EDIL3: variants seen among roughly 807,000 people sequenced by gnomAD.
EDIL3 encodes EGF like and discoidin domains 3.
Under a neutral mutation model 67.4 loss-of-function variants are expected in EDIL3, and 37 were observed. The ratio of observed to expected loss-of-function variants is 0.55; its 90% CI spans 0.42 to 0.72. The LOEUF (loss-of-function observed/expected upper bound fraction) is 0.72. Ranked by LOEUF, EDIL3 falls within the 30% of genes least tolerant of loss-of-function variation. EDIL3 has a pLI of 0.00. For missense variants in EDIL3, 527 were observed against 586.3 expected (o/e 0.90, Z 1.04); for synonymous variants, 195 against 196.3 (o/e 0.99, Z 0.05).
At chr5:84,169,114 GCTAAGCT>G (rs1478643659) in intron 4 of EDIL3, among the ~76,000 whole-genome samples, 1 of 151,734 alleles carries the variant, frequency 6.6e-6, no homozygotes, top group Admixed American at 6.6e-5. Context: ...AGCTTCTTTG[GCTAAGCT>G]CTAAAACAGC....
At chr5:83,970,745 C>T (rs2112137704) in intron 9 of EDIL3, among the ~76,000 whole-genome samples, 1 of 144,490 alleles carries the variant, frequency 6.9e-6, no homozygotes, top group East Asian at 2.0e-4. Flanking sequence ...TTGTTCTATC[C>T]CCCTACCTGA....
intron 1 of EDIL3, among the ~76,000 whole-genome samples, chr5:84,361,912 A>C (rs919162339): frequency 3.9e-5 from 6 of 152,050 alleles, no homozygotes; most frequent in Admixed American, 2.0e-4. Flanking sequence ...TAAACATAAT[A>C]GTCTAATAAC....
chr5:84,106,626 C>T, intron 6 of EDIL3, 23 bp downstream of exon 6: 3 of 1,578,470 alleles, frequency 1.9e-6, no homozygotes, highest in South Asian at 1.2e-5. Context: ...ATAACATTAA[C>T]CTTGTCCCAT....
intron 9 of EDIL3, among the ~76,000 whole-genome samples, chr5:84,059,430 A>G (rs1170806627): frequency 6.6e-6 from 1 of 152,106 alleles, no homozygotes; most frequent in Non-Finnish European, 1.5e-5. Context: ...AGCAGAGAGG[A>G]GAGAAGAGAA....
At chr5:84,194,054 A>C (rs567047028) in intron 3 of EDIL3, among the ~76,000 whole-genome samples, 1 of 152,116 alleles carries the variant, frequency 6.6e-6, no homozygotes, top group African/African-American at 2.4e-5. Context: ...AAGTTGGAGA[A>C]ACTGCCAATA....
chr5:83,989,520 T>C (rs745965539), intron 9 of EDIL3, among the ~76,000 whole-genome samples: 14 of 152,206 alleles, frequency 9.2e-5, no homozygotes, highest in Non-Finnish European at 2.1e-4. Flanking sequence ...TCCCTGATGG[T>C]TCCTTTGGGT....
At chr5:84,262,095 T>G (rs1280246983) in intron 1 of EDIL3, among the ~76,000 whole-genome samples, 1 of 152,190 alleles carries the variant, frequency 6.6e-6, no homozygotes, top group Non-Finnish European at 1.5e-5. Flanking sequence ...GAAAGTCCCT[T>G]AAAAGAACCT....
chr5:84,183,350 G>A (rs926403635), intron 3 of EDIL3, among the ~76,000 whole-genome samples: 5 of 152,098 alleles, frequency 3.3e-5, no homozygotes, highest in African/African-American at 1.2e-4. Context: ...TGAAATGATA[G>A]TGATGTTAGA....
intron 1 of EDIL3, among the ~76,000 whole-genome samples, chr5:84,370,272 T>C (rs960511464): frequency 5.3e-5 from 8 of 152,200 alleles, no homozygotes; most frequent in East Asian, 1.9e-4. Flanking sequence ...AGATTGTCAT[T>C]ACACAAACAA....
intron 5 of EDIL3, among the ~76,000 whole-genome samples, chr5:84,131,728 T>C (rs1255765316): frequency 6.6e-6 from 1 of 152,124 alleles, no homozygotes; most frequent in Non-Finnish European, 1.5e-5. Context: ...AAAATCAACA[T>C]ACATGAACTG....
intron 1 of EDIL3, among the ~76,000 whole-genome samples, chr5:84,346,842 T>A (rs73144553): frequency 2.8e-3 from 429 of 152,308 alleles, no homozygotes; most frequent in African/African-American, 0.01. Flanking sequence ...ACAGCCTATA[T>A]GAGAATGTCC....
At chr5:84,185,647 T>G (rs546172577) in intron 3 of EDIL3, among the ~76,000 whole-genome samples, 1 of 152,262 alleles carries the variant, frequency 6.6e-6, no homozygotes, top group East Asian at 1.9e-4. Context: ...GGATTTTCAC[T>G]CAATAATTAA....
chr5:84,350,552 C>T (rs2112188459), intron 1 of EDIL3, among the ~76,000 whole-genome samples: 1 of 151,958 alleles, frequency 6.6e-6, no homozygotes, highest in South Asian at 2.1e-4. Context: ...ATTTGATGAT[C>T]CACAGAGATG....
chr5:84,058,451 T>C (rs1294042256), intron 9 of EDIL3, among the ~76,000 whole-genome samples: 2 of 152,094 alleles, frequency 1.3e-5, no homozygotes, highest in Non-Finnish European at 2.9e-5. Context: ...GAAGCTTCTG[T>C]GAAACCCAGG....
intron 1 of EDIL3, among the ~76,000 whole-genome samples, chr5:84,274,424 A>G (rs188267041): frequency 1.4e-3 from 215 of 152,254 alleles, no homozygotes; most frequent in African/African-American, 4.9e-3. Flanking sequence ...TATCATTTTT[A>G]CTTTCAACAT....
intron 1 of EDIL3, among the ~76,000 whole-genome samples, chr5:84,373,668 T>G (rs1747904451): frequency 6.6e-6 from 1 of 151,786 alleles, no homozygotes; most frequent in Non-Finnish European, 1.5e-5. Context: ...TGTAAGTGGG[T>G]AAATACTTCT....
intron 1 of EDIL3, among the ~76,000 whole-genome samples, chr5:84,275,730 A>T (rs948126912): frequency 1.3e-5 from 2 of 152,222 alleles, no homozygotes; most frequent in African/African-American, 4.8e-5. Flanking sequence ...AAGCATCATT[A>T]TTCACAGACA....
At chr5:84,348,985 C>G (rs1031896272) in intron 1 of EDIL3, among the ~76,000 whole-genome samples, 8 of 151,968 alleles carry the variant, frequency 5.3e-5, no homozygotes, top group African/African-American at 1.9e-4. Context: ...CTTAAGATAC[C>G]TAACAGCACT....
chr5:84,289,505 A>G (rs1361878754), intron 1 of EDIL3, among the ~76,000 whole-genome samples: 1 of 151,970 alleles, frequency 6.6e-6, no homozygotes, highest in Non-Finnish European at 1.5e-5. Context: ...CATCACAAAC[A>G]CTTCCTCCCT....
Sources: gnomAD v4.1 joint callset for allele counts (sites outside exome capture counted in the v4.1 genomes callset) on GRCh38, gnomAD v4.1.1 for gene constraint, MANE v1.5 for transcripts, NCBI Gene and HGNC (gene_info 2026-07-23, HGNC 2026-07-21) for gene names.